Variants in ZNF341 observed in about 807,000 individuals in gnomAD.
ZNF341 encodes the protein zinc finger protein 341.
Under a neutral mutation model 87.7 loss-of-function variants are expected in ZNF341, and 52 were observed. The ratio of observed to expected loss-of-function variants is 0.59; its 90% CI spans 0.47 to 0.75. The LOEUF is 0.75. Ranked by LOEUF, ZNF341 falls within the 30% of genes least tolerant of loss-of-function variation. The pLI, the probability that ZNF341 is intolerant of heterozygous loss-of-function variation, is 0.00. For missense variants in ZNF341, 977 were observed against 1,145.9 expected (o/e 0.85, Z 2.13); for synonymous variants, 459 against 472.7 (o/e 0.97, Z 0.38).
chr20:33,743,404 G>A (rs1217430212), intron 2 of ZNF341, among the ~76,000 whole-genome samples: 1 of 141,788 alleles, frequency 7.1e-6, no homozygotes, highest in Non-Finnish European at 1.5e-5. Context: ...GCAGTGGTGT[G>A]ATCTCGCTCA....
intron 12 of ZNF341, 103 bp from the exon 13 acceptor site, chr20:33,788,760 C>A (rs753377130): frequency 1.2e-6 from 1 of 863,640 alleles, no homozygotes; most frequent in South Asian, 1.4e-5. Context: ...CCCTGGCCAC[C>A]TCCCTAGAGG....
chr20:33,783,756 C>T lies in ZNF341; in HGVS notation c.1744C>T (p.Arg582Trp), dbSNP rs746834711. The stretch of plus-strand genomic sequence containing the variant: ...GGTGTTTCCTTGTGAACGCTACCTG[C>T]GGCGTCATCTGCCCACCCACGGCAG... ...QKVFPCERYLRRHLPTHGSGG... is the reference protein window; with the variant it reads ...QKVFPCERYLWRHLPTHGSGG... The change falls in exon 12 of 15, where the codon CGG becomes TGG. Residue 582 changes from arginine to tryptophan, a missense_variant. Coordinates refer to ENST00000375200, the MANE Select transcript of ZNF341 (RefSeq NM_001282933.2). 1.1e-5 allele frequency: 18 copies of T among 1,613,840 alleles called. No individual in the cohort carries two copies. In the South Asian group the frequency reaches 1.4e-4, roughly 13 times the overall value.
intron 10 of ZNF341, among the ~76,000 whole-genome samples, chr20:33,775,453 C>T (rs563896811): frequency 2.6e-5 from 4 of 151,754 alleles, no homozygotes; most frequent in African/African-American, 9.7e-5. Context: ...TCGTGATCTA[C>T]CCACCTCGGC....
At chr20:33,748,890 C>T (rs764948194) in intron 3 of ZNF341, 33 bp from the exon 4 acceptor site, 19 of 1,585,788 alleles carry the variant, frequency 1.2e-5, no homozygotes, top group South Asian at 2.3e-5. Flanking sequence ...TGTCTCTCTC[C>T]GTCTCACTCA....
intron 4 of ZNF341, chr20:33,752,334 C>T (rs2019076839): frequency 1.6e-6 from 1 of 620,458 alleles, no homozygotes; most frequent in Admixed American, 1.9e-5. Context: ...TCTCAGACAG[C>T]TTTGTTGAGG....
In ZNF341 at chr20:33,742,635, A is replaced by T. The variant is rs79212013; in HGVS notation, c.142+1623A>T. On this transcript the variant is annotated intron_variant, in intron 2 of 14. Coordinates refer to ENST00000375200, the MANE Select transcript of ZNF341 (RefSeq NM_001282933.2). Reference sequence around the variant, plus strand: ...CTGGCCAAAAAACTTCTCTTTAATTAAAAAAAAAAAATAGAGATAGGGTCT... The same window carrying T: ...CTGGCCAAAAAACTTCTCTTTAATTTAAAAAAAAAAATAGAGATAGGGTCT... 1.6e-4 allele frequency among the ~76,000 whole-genome samples: 23 copies of T among 143,852 alleles called. No homozygotes were observed. The Admixed American group carries it at 1.6e-3, about 10-fold the overall frequency. 94.4% of individuals were successfully genotyped at this position (143,852 alleles called of 152,430 possible).
At chr20:33,789,434 C>T (rs1211746848) in intron 13 of ZNF341, 84 bp from the exon 14 acceptor site, 2 of 1,424,576 alleles carry the variant, frequency 1.4e-6, no homozygotes, top group African/African-American at 1.4e-5. Context: ...CAAGGCTGTC[C>T]CTTGTGCCCA....
At chr20:33,782,301 A>C (rs1199004790) in intron 11 of ZNF341, among the ~76,000 whole-genome samples, 1 of 152,116 alleles carries the variant, frequency 6.6e-6, no homozygotes, top group Non-Finnish European at 1.5e-5. Flanking sequence ...CCCCACCACC[A>C]CCCCTGACCA....
chr20:33,778,475 T>A (rs2019670221), intron 10 of ZNF341, among the ~76,000 whole-genome samples: 1 of 152,132 alleles, frequency 6.6e-6, no homozygotes, highest in South Asian at 2.1e-4. Context: ...CACACCTGGC[T>A]AATTTTTGTA....
intron 7 of ZNF341, 84 bp downstream of exon 7, chr20:33,758,890 C>A: frequency 8.0e-7 from 1 of 1,250,990 alleles, no homozygotes. Context: ...CCTTCTCAGC[C>A]CCTAGCCTGT....
At position 33,741,016 on chromosome 20, in the gene ZNF341, A is replaced by G; in HGVS notation, c.142+4A>G. On this transcript the variant is annotated splice_donor_region_variant and intron_variant, in intron 2 of 14. Coordinates refer to ENST00000375200, the MANE Select transcript of ZNF341 (RefSeq NM_001282933.2). ...CCCCCTGCTATCCAGCCATTGGGTG[A>G]GTATCTGCTCAGGTTCACCGGTGGG... 1 of 1,613,554 alleles carries G rather than the reference A, an allele frequency of 6.2e-7. No homozygotes were observed. Among genetic ancestry groups the G allele is most frequent in the Non-Finnish European group, 8.5e-7 (1 of 1,179,490 alleles).
chr20:33,753,103 T>A, intron 4 of ZNF341, 69 bp from the exon 5 acceptor site: 1 of 1,589,610 alleles, frequency 6.3e-7, no homozygotes, highest in East Asian at 2.2e-5. Flanking sequence ...AAAGCAAATG[T>A]CCTTCCTTCC....
chr20:33,753,933 G>A (rs866350560), intron 5 of ZNF341, among the ~76,000 whole-genome samples: 2 of 152,160 alleles, frequency 1.3e-5, no homozygotes, highest in Non-Finnish European at 2.9e-5. Context: ...ATGTCTGAAC[G>A]TTGGCTGGCT....
intron 4 of ZNF341, among the ~76,000 whole-genome samples, chr20:33,751,005 G>A (rs952759641): frequency 6.6e-6 from 1 of 151,978 alleles, no homozygotes; most frequent in Non-Finnish European, 1.5e-5. Flanking sequence ...GAACTCCTGG[G>A]CTCAAGCAAT....
rs775782494 is a variant in ZNF341 at position 33,753,214 on chromosome 20, C to A, written c.532C>A (p.Pro178Thr). 24 of 1,611,876 alleles carry A rather than the reference C, an allele frequency of 1.5e-5. No homozygotes were observed. Among genetic ancestry groups the A allele is most frequent in the Non-Finnish European group, 2.0e-5 (24 of 1,179,956 alleles). ...MHSVPSYLTQ[P>T]PPPPPPPPPL... The stretch of plus-strand genomic sequence containing the variant: ...TTCCGTGCCCAGCTACCTCACCCAG[C>A]CTCCACCTCCTCCTCCACCTCCTCC... The change falls in exon 5 of 15, where the codon CCT becomes ACT. Residue 178 changes from proline to threonine, a missense_variant. Pro to Thr is a conservative substitution (Grantham distance 38). This residue lies in a region of ZNF341 where 515 missense variants were observed against 598.2 expected (regional missense o/e 0.86). Transcript: ENST00000375200.
rs571177050 is a variant in ZNF341, at chr20:33,759,800, G to A, written c.1028+994G>A. 2.0e-5 allele frequency among the ~76,000 whole-genome samples: 3 copies of A among 146,520 alleles called. No homozygotes were observed. In the East Asian group the frequency reaches 6.0e-4, roughly 29 times the overall value. On this transcript the variant is annotated intron_variant, in intron 7 of 14. Transcript: ENST00000375200. ...AGAGAGAGAGAGAGAGGGAGAGAGA[G>A]AGAACAAACCTCACATTCCAGCCAT...
At position 33,791,060 on chromosome 20, in the gene ZNF341, G is replaced by A. The variant is rs369841423; in HGVS notation, c.2108G>A (p.Arg703His). Residue 703 changes from arginine to histidine, a missense_variant, in exon 15 of 15, where the codon CGC (arginine) becomes CAC (histidine). Around this residue, in one of 3 missense-constraint regions of ZNF341, gnomAD observed 241 missense variants for 335.0 expected, o/e 0.72. Transcript: ENST00000375200. ...CGTGCCCACCTCGCCGAGCATCAGCGCGCCCACACGGGCAACTACAAGTTC... is the reference window on the plus strand; with the variant it reads ...CGTGCCCACCTCGCCGAGCATCAGCACGCCCACACGGGCAACTACAAGTTC... ...SRRAHLAEHQRAHTGNYKFRC... is the reference protein window; with the variant it reads ...SRRAHLAEHQHAHTGNYKFRC... 3.0e-5 allele frequency: 48 copies of A among 1,613,454 alleles called. 1 individual carries two copies. The Middle Eastern group carries it at 3.1e-3, about 105-fold the overall frequency.
intron 1 of ZNF341, among the ~76,000 whole-genome samples, chr20:33,740,451 G>A (rs2018775315): frequency 6.6e-6 from 1 of 152,140 alleles, no homozygotes; most frequent in Admixed American, 6.6e-5. Context: ...CTCTCACAAT[G>A]GAAATAGAAG....
intron 1 of ZNF341, among the ~76,000 whole-genome samples, chr20:33,734,582 A>C (rs1306620886): frequency 6.6e-6 from 1 of 152,138 alleles, no homozygotes; most frequent in Non-Finnish European, 1.5e-5. Flanking sequence ...GGGTTGAGGG[A>C]AGACCCAAGT....
Sources: gnomAD v4.1 joint callset for allele counts (sites outside exome capture counted in the v4.1 genomes callset) on GRCh38, gnomAD v4.1.1 for gene constraint, gnomAD v4.1.1 regional missense constraint, MANE v1.5 for transcripts, NCBI Gene and HGNC (gene_info 2026-07-23, HGNC 2026-07-21) for gene names.